KPNA6: variants seen among roughly 807,000 people sequenced by gnomAD.
The protein encoded by KPNA6 is importin subunit alpha-7.
Under a neutral mutation model 72.0 loss-of-function variants are expected in KPNA6, and 9 were observed. The ratio of observed to expected loss-of-function variants is 0.13; its 90% CI spans 0.08 to 0.22. The LOEUF (loss-of-function observed/expected upper bound fraction) is 0.22, where lower values mean the gene tolerates loss of function less well. Ranked by LOEUF, KPNA6 falls within the 10% of genes least tolerant of loss-of-function variation. KPNA6 has a pLI of 1.00. For missense variants in KPNA6, 374 were observed against 655.7 expected (o/e 0.57, Z 4.69); for synonymous variants, 219 against 242.1 (o/e 0.90, Z 0.89).
intron 1 of KPNA6, chr1:32,142,918 AAAG>A (rs1641865300): frequency 7.8e-7 from 1 of 1,282,850 alleles, no homozygotes; most frequent in Admixed American, 2.3e-5. Context: ...CATGGTGACT[AAAG>A]AAGCTCAGCA....
intron 1 of KPNA6, among the ~76,000 whole-genome samples, chr1:32,118,606 G>A (rs1187230230): frequency 2.0e-5 from 3 of 151,624 alleles, no homozygotes; most frequent in Non-Finnish European, 4.4e-5. Flanking sequence ...ACCAGTCTGG[G>A]CAACATGGCA....
intron 1 of KPNA6, among the ~76,000 whole-genome samples, chr1:32,140,745 A>G (rs766329170): frequency 1.3e-5 from 2 of 152,202 alleles, no homozygotes; most frequent in Non-Finnish European, 2.9e-5. Flanking sequence ...TGAGATTCCT[A>G]GAACTGTTCC....
In KPNA6 at chr1:32,124,288, G is replaced by A. The variant is rs943680352; in HGVS notation, c.4+16154G>A. 9.9e-5 allele frequency among the ~76,000 whole-genome samples: 15 copies of A among 152,000 alleles called. No individual in the cohort carries two copies. The East Asian group carries it at 2.5e-3, about 26-fold the overall frequency. ...CTTTTGAGGGTGAAGTGGGAGGATAGATTGAGCCTAGGAGGTAGAGGCTGT... is the reference window on the plus strand; with the variant it reads ...CTTTTGAGGGTGAAGTGGGAGGATAAATTGAGCCTAGGAGGTAGAGGCTGT... On this transcript the variant is annotated intron_variant, in intron 1 of 13. Coordinates refer to ENST00000373625, the MANE Select transcript of KPNA6 (RefSeq NM_012316.5).
intron 10 of KPNA6, among the ~76,000 whole-genome samples, chr1:32,164,089 A>G (rs1272555954): frequency 6.6e-6 from 1 of 152,142 alleles, no homozygotes; most frequent in African/African-American, 2.4e-5. Context: ...CCTAGTAACC[A>G]CCATTCTATT....
chr1:32,109,718 A>G lies in KPNA6; in HGVS notation c.4+1584A>G, dbSNP rs567270869. Among the ~76,000 whole-genome samples, 11 of 147,742 alleles carry G rather than the reference A, an allele frequency of 7.4e-5. No homozygotes were observed. The South Asian group carries it at 2.4e-3, about 32-fold the overall frequency. On this transcript the variant is annotated intron_variant, in intron 1 of 13. Coordinates refer to ENST00000373625, the MANE Select transcript of KPNA6 (RefSeq NM_012316.5). Reference sequence around the variant, plus strand: ...GAGTGCATTGGCGCGATCTCGGCTCACTGCAACTACCACCTTCCCGGGTTC... The same window carrying G: ...GAGTGCATTGGCGCGATCTCGGCTCGCTGCAACTACCACCTTCCCGGGTTC...
At position 32,157,460 on chromosome 1, in the gene KPNA6, C is replaced by G; in HGVS notation, c.331+15C>G. The G allele has an allele frequency of 6.3e-7, 1 of 1,591,580 alleles. No individual in the cohort carries two copies. The highest frequency in any genetic ancestry group is 8.6e-7 in the Non-Finnish European group (1 of 1,159,632). Reference sequence around the variant, plus strand: ...GCTCTCCAAAGGTACAAAGCCTGGCCCTTGTCAGAGAGGCCTTATATGATT... The same window carrying G: ...GCTCTCCAAAGGTACAAAGCCTGGCGCTTGTCAGAGAGGCCTTATATGATT... On this transcript the variant is annotated intron_variant, in intron 4 of 13. Transcript: ENST00000373625.
In KPNA6 at chr1:32,171,212, C is replaced by A; in HGVS notation, c.*318C>A. 1 of 280,088 alleles carries A rather than the reference C, an allele frequency of 3.6e-6. No individual in the cohort carries two copies. Among genetic ancestry groups the A allele is most frequent in the Non-Finnish European group, 6.7e-6 (1 of 149,274 alleles). The allele number at this position is 280,088 out of a possible 1,614,324, so 17.4% of individuals were successfully genotyped here. A position where few individuals can be genotyped will look rare whatever the true frequency, so the allele number is the denominator to read the frequency against. On this transcript the variant is annotated 3_prime_UTR_variant, in exon 14 of 14. Coordinates refer to ENST00000373625, the MANE Select transcript of KPNA6 (RefSeq NM_012316.5). ...GTAGACAAAGGAGGACTAAGGTAAT[C>A]AATTTGCACCTTTTTTTATTTTTAT...
At chr1:32,141,572 AT>A (rs1641839508) in intron 1 of KPNA6, among the ~76,000 whole-genome samples, 1 of 150,706 alleles carries the variant, frequency 6.6e-6, no homozygotes, top group Non-Finnish European at 1.5e-5. Flanking sequence ...TAATTTTTAT[AT>A]TTTTGTAGAG....
At chr1:32,161,523 A>G (rs1457826961) in intron 7 of KPNA6, among the ~76,000 whole-genome samples, 1 of 152,128 alleles carries the variant, frequency 6.6e-6, no homozygotes, top group Non-Finnish European at 1.5e-5. Flanking sequence ...ACTTTCTTGG[A>G]CCCTTCACAG....
Position 32,156,892 on chromosome 1 carries a change from G to A in KPNA6, c.178G>A (p.Ala60Thr). 6.2e-7 allele frequency: 1 copy of A among 1,614,132 alleles called. No individual in the cohort carries two copies. The highest frequency in any genetic ancestry group is 8.5e-7 in the Non-Finnish European group (1 of 1,180,006). ...RRNVELINEE[A>T]AMFDSLLMDS... ...AAATGTGGAGCTGATTAATGAAGAA[G>A]CTGCCATGTTCGATAGTCTTCTCAT... is the stretch of plus-strand genomic sequence containing the variant. The change falls in exon 3 of 14, where the codon GCT (alanine) becomes ACT (threonine). Residue 60 changes from alanine to threonine, a missense_variant. Transcript: ENST00000373625.
chr1:32,146,490 A>G (rs1641931475), intron 1 of KPNA6, among the ~76,000 whole-genome samples: 1 of 151,736 alleles, frequency 6.6e-6, no homozygotes. Context: ...AGTTTTTTGG[A>G]TATTTCCTAG....
chr1:32,122,467 G>A (rs900430045), intron 1 of KPNA6, among the ~76,000 whole-genome samples: 5 of 151,974 alleles, frequency 3.3e-5, no homozygotes, highest in African/African-American at 1.2e-4. Context: ...TTGATGGCAT[G>A]GAAGTGCTAA....
At chr1:32,145,561 G>A (rs1641916028) in intron 1 of KPNA6, among the ~76,000 whole-genome samples, 1 of 149,794 alleles carries the variant, frequency 6.7e-6, no homozygotes, top group African/African-American at 2.5e-5. Context: ...CTGACCTCAA[G>A]TGATCTGCCC....
chr1:32,165,639 C>T (rs1474780629), intron 10 of KPNA6, among the ~76,000 whole-genome samples: 1 of 152,030 alleles, frequency 6.6e-6, no homozygotes, highest in Non-Finnish European at 1.5e-5. Flanking sequence ...GAGGTCAAGG[C>T]TGCAGTAAGC....
chr1:32,140,390 A>G (rs77307096), intron 1 of KPNA6, among the ~76,000 whole-genome samples: 1 of 151,238 alleles, frequency 6.6e-6, no homozygotes, highest in East Asian at 1.9e-4. Flanking sequence ...TCTCAGGAGA[A>G]AAAAAAAAGA....
At chr1:32,150,958 G>A (rs1258259805) in intron 1 of KPNA6, among the ~76,000 whole-genome samples, 1 of 151,744 alleles carries the variant, frequency 6.6e-6, no homozygotes, top group African/African-American at 2.4e-5. Context: ...GTCTCACTCT[G>A]TTGCCCAGGC....
intron 1 of KPNA6, among the ~76,000 whole-genome samples, chr1:32,124,540 T>C (rs965535588): frequency 6.7e-6 from 1 of 148,652 alleles, no homozygotes; most frequent in Non-Finnish European, 1.5e-5. Context: ...AGTCTCTCGC[T>C]CTGTTGCCCA....
At chr1:32,123,739 T>TA (rs56952347) in intron 1 of KPNA6, among the ~76,000 whole-genome samples, 11,782 of 99,834 alleles carry the variant, frequency 0.12, 655 homozygotes, top group Middle Eastern at 0.16. Context: ...GACCCTGTCT[T>TA]AAAAAAAAAA....
chr1:32,163,953 T>G (rs1408623857), intron 10 of KPNA6, among the ~76,000 whole-genome samples: 1 of 152,238 alleles, frequency 6.6e-6, no homozygotes, highest in Non-Finnish European at 1.5e-5. Context: ...ATTTTAACCA[T>G]TGGCATAAAG....
Sources: allele counts gnomAD v4.1 joint callset (sites outside exome capture counted in the v4.1 genomes callset), GRCh38; gene constraint gnomAD v4.1.1; transcripts MANE v1.5; gene names NCBI Gene and HGNC (gene_info 2026-07-23, HGNC 2026-07-21).